CT45A1: variants seen among roughly 807,000 people sequenced by gnomAD.
The protein encoded by CT45A1 is cancer/testis antigen family 45 member A1.
chrX:135,715,550 T>G (rs1285295767), intron 1 of CT45A1, among the ~76,000 whole-genome samples: 1 of 87,652 alleles, frequency 1.1e-5, no homozygotes, highest in Non-Finnish European at 2.1e-5. Context: ...TATATAATAC[T>G]TATATGTATA....
chrX:135,715,126 A>C (rs2087967822), intron 1 of CT45A1, among the ~76,000 whole-genome samples: 1 of 101,410 alleles, frequency 9.9e-6, no homozygotes, highest in South Asian at 4.2e-4. Context: ...TAATTTTATT[A>C]GTCAGTGTAT....
At chrX:135,709,547 C>T (rs1415664282), upstream of CT45A1, among the ~76,000 whole-genome samples, 1 of 112,689 alleles carries the variant, frequency 8.9e-6, no homozygotes, top group Non-Finnish European at 1.9e-5. Context: ...GGATTACAGG[C>T]GTGAGCCACT....
upstream of CT45A1, among the ~76,000 whole-genome samples, chrX:135,712,974 T>TC (rs1556570104): frequency 1.7e-3 from 81 of 48,192 alleles, no homozygotes; most frequent in Admixed American, 0.012. Flanking sequence ...TCTTTCTTTC[T>TC]TTTCTTTCTC....
At chrX:135,716,314 CTTCTAGATCT>C (rs1201212669) in intron 1 of CT45A1, among the ~76,000 whole-genome samples, 2 of 111,476 alleles carry the variant, frequency 1.8e-5, no homozygotes, top group African/African-American at 6.5e-5. Flanking sequence ...TCTAAGTTTT[CTTCTAGATCT>C]CCCAATCATC....
intron 1 of CT45A1, among the ~76,000 whole-genome samples, chrX:135,714,591 C>T (rs138456991): frequency 7.2e-5 from 8 of 110,790 alleles, no homozygotes; most frequent in Non-Finnish European, 1.5e-4. Context: ...CAGAAATATT[C>T]GAAGGTTCCA....
At chrX:135,713,078 G>T (rs1376754356), upstream of CT45A1, among the ~76,000 whole-genome samples, 1 of 87,372 alleles carries the variant, frequency 1.1e-5, no homozygotes, top group Non-Finnish European at 2.2e-5. Flanking sequence ...CTCCTCTATG[G>T]CCAGGCTGGA....
intron 1 of CT45A1, among the ~76,000 whole-genome samples, chrX:135,714,591 C>A (rs138456991): frequency 9.0e-6 from 1 of 110,839 alleles, no homozygotes; most frequent in East Asian, 2.8e-4. Flanking sequence ...CAGAAATATT[C>A]GAAGGTTCCA....
At chrX:135,714,358 G>A (rs1410553189) in intron 1 of CT45A1, among the ~76,000 whole-genome samples, 13 of 109,583 alleles carry the variant, frequency 1.2e-4, no homozygotes, top group South Asian at 4.2e-4. Context: ...CCGGTGCTGC[G>A]GGGGAATGGG....
At chrX:135,712,943 TTC>T (rs782811437), upstream of CT45A1, among the ~76,000 whole-genome samples, 2 of 79,841 alleles carry the variant, frequency 2.5e-5, no homozygotes, top group African/African-American at 4.9e-5. Context: ...CTTTTTTTCT[TTC>T]TTTCTTTCTT....
upstream of CT45A1, chrX:135,713,491 C>CCCTT (rs2087952681): frequency 1.5e-6 from 1 of 664,696 alleles, no homozygotes; most frequent in Admixed American, 1.1e-4. Flanking sequence ...CTGGCTGCTT[C>CCCTT]CCTTCCTTCC....
intron 1 of CT45A1, among the ~76,000 whole-genome samples, chrX:135,715,526 GTATATAATACTTA>G (rs1189443840): frequency 1.4e-4 from 9 of 65,744 alleles, no homozygotes; most frequent in African/African-American, 3.1e-4. Flanking sequence ...ATACTTATAG[GTATATAATACTTA>G]TATATAATAC....
chrX:135,711,846 C>T (rs1292675407), upstream of CT45A1, among the ~76,000 whole-genome samples: 1 of 111,143 alleles, frequency 9.0e-6, no homozygotes, highest in Non-Finnish European at 1.9e-5. Flanking sequence ...TTTTGGAGGC[C>T]AAGGAAGATG....
At chrX:135,712,929 T>TTTTTTTCTTTCTTTCTTTCTTTC (rs1556570037), upstream of CT45A1, among the ~76,000 whole-genome samples, 1 of 62,927 alleles carries the variant, frequency 1.6e-5, no homozygotes, top group Non-Finnish European at 2.7e-5. Flanking sequence ...TTTTCTTTTC[T>TTTTTTTCTTTCTTTCTTTCTTTC]TTTCTTTTTT....
At chrX:135,713,120 C>T (rs1242245386), upstream of CT45A1, among the ~76,000 whole-genome samples, 1 of 99,545 alleles carries the variant, frequency 1.0e-5, no homozygotes, top group Non-Finnish European at 2.0e-5. Context: ...TCTCTGCTAC[C>T]TCTGCCTCCT....
chrX:135,712,734 T>G (rs1343380718), upstream of CT45A1, among the ~76,000 whole-genome samples: 1 of 108,896 alleles, frequency 9.2e-6, no homozygotes. Flanking sequence ...TTCACCATGT[T>G]GGCCAGGCTG....
At chrX:135,716,813 G>A (rs1202173478) in intron 1 of CT45A1, among the ~76,000 whole-genome samples, 1 of 100,865 alleles carries the variant, frequency 9.9e-6, no homozygotes, top group East Asian at 3.0e-4. Context: ...TGTGGAGTGG[G>A]AAGAAGTAAG....
upstream of CT45A1, chrX:135,710,372 T>C (rs2087927862): frequency 8.9e-6 from 1 of 112,423 alleles, no homozygotes; most frequent in African/African-American, 3.2e-5. Context: ...AAGATACAAA[T>C]ATTGGTTTTC....
intron 1 of CT45A1, among the ~76,000 whole-genome samples, chrX:135,716,606 A>G (rs1390149328): frequency 7.2e-5 from 8 of 111,623 alleles, no homozygotes; most frequent in Admixed American, 1.9e-4. Context: ...TAATCTACAA[A>G]CATGATTTGG....
chrX:135,714,488 G>A (rs782361587), intron 1 of CT45A1, among the ~76,000 whole-genome samples: 9 of 109,588 alleles, frequency 8.2e-5, no homozygotes, highest in Admixed American at 5.8e-4. Context: ...GCTTTTCCTC[G>A]GTGGGTTGAT....
Sources: gnomAD v4.1 joint callset for allele counts (sites outside exome capture counted in the v4.1 genomes callset) on GRCh38, gnomAD v4.1.1 for gene constraint, MANE v1.5 for transcripts, NCBI Gene and HGNC (gene_info 2026-07-23, HGNC 2026-07-21) for gene names.